MYLK: variants seen among roughly 807,000 people sequenced by gnomAD.
The protein encoded by MYLK is myosin light chain kinase, also known as myosin light chain kinase, smooth muscle.
MYLK carries 106 observed loss-of-function variants against 203.4 expected under a neutral mutation model. The observed-to-expected ratio is 0.52, with a 90% confidence interval of 0.45 to 0.61. MYLK has a LOEUF of 0.61. MYLK is among the 20% of genes least tolerant of loss of function. The probability of loss-of-function intolerance (pLI) is 0.00; values close to 1 mark genes in which losing one functional copy is unlikely to be tolerated. For missense variants in MYLK, 2,072 were observed against 2,442.3 expected, an observed-to-expected ratio of 0.85 and a Z score of 3.20; for synonymous variants, 867 against 959.5, an observed-to-expected ratio of 0.90 and a Z score of 1.78.
chr3:123,628,891 G>C (rs2058284449), intron 30 of MYLK, among the ~76,000 whole-genome samples: 1 of 152,226 alleles, frequency 6.6e-6, no homozygotes, highest in Admixed American at 6.5e-5. Flanking sequence ...GCTGGGAGAG[G>C]GCTAAGCCCA....
At chr3:123,763,894 C>T (rs1022004239) in intron 4 of MYLK, among the ~76,000 whole-genome samples, 10 of 152,158 alleles carry the variant, frequency 6.6e-5, no homozygotes, top group African/African-American at 1.7e-4. Context: ...TCTCTCTCTA[C>T]TGTTTTCCTC....
intron 2 of MYLK, among the ~76,000 whole-genome samples, chr3:123,858,516 G>C (rs1173200777): frequency 2.0e-5 from 3 of 152,150 alleles, no homozygotes; most frequent in Admixed American, 2.0e-4. Context: ...GAACCTTCCT[G>C]CTGGTGGGGA....
At chr3:123,847,458 TA>T (rs1240014533) in intron 2 of MYLK, among the ~76,000 whole-genome samples, 1 of 152,160 alleles carries the variant, frequency 6.6e-6, no homozygotes, top group Non-Finnish European at 1.5e-5. Flanking sequence ...AATATAGCAA[TA>T]AAGGGCATTC....
chr3:123,821,758 G>C (rs1318744413), intron 3 of MYLK, among the ~76,000 whole-genome samples: 5 of 152,138 alleles, frequency 3.3e-5, no homozygotes, highest in Admixed American at 2.0e-4. Flanking sequence ...TAAGAGACAG[G>C]ACAAGATCCA....
intron 4 of MYLK, among the ~76,000 whole-genome samples, chr3:123,769,769 A>T (rs181137914): frequency 4.7e-4 from 71 of 152,348 alleles, no homozygotes; most frequent in South Asian, 1.9e-3. Context: ...CTGGTGAATT[A>T]CCAATTCCCA....
intron 24 of MYLK, among the ~76,000 whole-genome samples, chr3:123,652,598 G>A (rs763467004): frequency 1.3e-5 from 2 of 152,222 alleles, no homozygotes; most frequent in Non-Finnish European, 2.9e-5. Context: ...GGATGGGAGC[G>A]GTACAGGCTT....
At chr3:123,848,959 C>T (rs2030401533) in intron 2 of MYLK, among the ~76,000 whole-genome samples, 1 of 152,044 alleles carries the variant, frequency 6.6e-6, no homozygotes, top group African/African-American at 2.4e-5. Flanking sequence ...ACCTATTCAA[C>T]ATGTTATCCT....
chr3:123,837,880 T>TA (rs1488159279), intron 2 of MYLK, among the ~76,000 whole-genome samples: 1 of 150,082 alleles, frequency 6.7e-6, no homozygotes, highest in Non-Finnish European at 1.5e-5. Context: ...CACAAAGAAA[T>TA]AAAAGAGTAG....
chr3:123,734,507 C>A, intron 9 of MYLK: 1 of 356,772 alleles, frequency 2.8e-6, no homozygotes, highest in Non-Finnish European at 5.0e-6. Flanking sequence ...CAACCTCTGC[C>A]ACCGGTGTCC....
rs187588584 is a variant in MYLK at position 123,722,414 on chromosome 3, A to T, written c.1652-134T>A. ...TGCTCAGATCCACTGAGGGCTAATG[A>T]TGTACCATGCACATCTCCAGCCAGC... On this transcript the variant is annotated intron_variant, in intron 12 of 33. Coordinates refer to ENST00000360304, the MANE Select transcript of MYLK (RefSeq NM_053025.4). 479 of 1,117,276 alleles carry T rather than the reference A, an allele frequency of 4.3e-4. 2 individuals carry two copies. The highest frequency in any genetic ancestry group is 5.4e-4 in the Non-Finnish European group (411 of 767,464). 69.2% of individuals were successfully genotyped at this position (1,117,276 alleles called of 1,614,324 possible). A position where few individuals can be genotyped will look rare whatever the true frequency, so the allele number is the denominator to read the frequency against.
chr3:123,669,447 TA>T (rs2059840194), intron 20 of MYLK, among the ~76,000 whole-genome samples: 1 of 150,522 alleles, frequency 6.6e-6, no homozygotes, highest in Admixed American at 6.6e-5. Flanking sequence ...TCTTTTGCCA[TA>T]AAGGACATTT....
chr3:123,683,419 C>T (rs556192512), intron 19 of MYLK, among the ~76,000 whole-genome samples: 2 of 152,226 alleles, frequency 1.3e-5, no homozygotes, highest in Admixed American at 1.3e-4. Flanking sequence ...CTAGACTGGG[C>T]TCCTGGGGCT....
At chr3:123,832,861 T>C (rs2066375843) in intron 2 of MYLK, among the ~76,000 whole-genome samples, 1 of 152,186 alleles carries the variant, frequency 6.6e-6, no homozygotes, top group South Asian at 2.1e-4. Flanking sequence ...TATTTTGTCA[T>C]AGCAGCACAG....
intron 3 of MYLK, among the ~76,000 whole-genome samples, chr3:123,823,652 C>T (rs559948299): frequency 1.3e-5 from 2 of 152,332 alleles, no homozygotes; most frequent in African/African-American, 4.8e-5. Context: ...CACTTCCCTA[C>T]AGTTAGCTCC....
intron 21 of MYLK, 143 bp from the exon 22 acceptor site, chr3:123,666,489 T>C (rs2059739452): frequency 8.5e-7 from 1 of 1,172,840 alleles, no homozygotes; most frequent in Non-Finnish European, 1.2e-6. Flanking sequence ...GCAGTGATCC[T>C]GCTGCAGGAC....
At chr3:123,644,313 T>C (rs2058939271) in intron 27 of MYLK, among the ~76,000 whole-genome samples, 1 of 152,184 alleles carries the variant, frequency 6.6e-6, no homozygotes, top group South Asian at 2.1e-4. Flanking sequence ...TGTTCCCTTC[T>C]TCTTTGGTTG....
At chr3:123,680,641 C>G (rs919645356) in intron 20 of MYLK, among the ~76,000 whole-genome samples, 1 of 152,226 alleles carries the variant, frequency 6.6e-6, no homozygotes, top group African/African-American at 2.4e-5. Context: ...CCCCAACATA[C>G]TGAAGGCTGA....
chr3:123,687,511 A>G (rs953923124), intron 19 of MYLK, among the ~76,000 whole-genome samples: 1 of 152,100 alleles, frequency 6.6e-6, no homozygotes, highest in Non-Finnish European at 1.5e-5. Context: ...AATGACCTCA[A>G]TGTTGGCAAA....
At chr3:123,791,839 T>A (rs2109093471) in intron 4 of MYLK, among the ~76,000 whole-genome samples, 1 of 152,106 alleles carries the variant, frequency 6.6e-6, no homozygotes. Flanking sequence ...TAAATTTATG[T>A]TATGTAAATT....
Sources: allele counts gnomAD v4.1 joint callset (sites outside exome capture counted in the v4.1 genomes callset), GRCh38; gene constraint gnomAD v4.1.1; transcripts MANE v1.5; gene names NCBI Gene and HGNC (gene_info 2026-07-23, HGNC 2026-07-21).